Variants in GRB10 observed in about 807,000 individuals in gnomAD.
The protein encoded by GRB10 is growth factor receptor bound protein 10.
In GRB10, 20 loss-of-function variants were observed where a neutral mutation model predicts 80.9. That is an observed-to-expected ratio of 0.25 (90% CI 0.17 to 0.36). GRB10 has a LOEUF of 0.36. Ranked by LOEUF, GRB10 falls within the 10% of genes least tolerant of loss-of-function variation. GRB10 has a pLI of 1.00. For synonymous variants in GRB10, 291 were observed against 291.5 expected (o/e 1.00, Z 0.02); for missense variants, 548 against 747.7 (o/e 0.73, Z 3.12).
chr7:50,688,415 A>T (rs945230911), intron 5 of GRB10, among the ~76,000 whole-genome samples: 1 of 152,212 alleles, frequency 6.6e-6, no homozygotes, highest in African/African-American at 2.4e-5. Flanking sequence ...AGGGAGAAAG[A>T]GAAACATCCA....
chr7:50,732,459 G>A (rs1179302477), intron 3 of GRB10, 91 bp from the exon 4 acceptor site: 3 of 801,170 alleles, frequency 3.7e-6, no homozygotes, highest in African/African-American at 3.4e-5. Flanking sequence ...ATGTCTGAAT[G>A]GGCAGCTCTT....
intron 7 of GRB10, among the ~76,000 whole-genome samples, chr7:50,658,256 A>C (rs1396167800): frequency 1.3e-5 from 2 of 152,234 alleles, no homozygotes; most frequent in Non-Finnish European, 2.9e-5. Flanking sequence ...ATTCCTACTC[A>C]AAACCAAACA....
chr7:50,603,971 C>G, intron 17 of GRB10, 27 bp downstream of exon 17: 1 of 1,508,274 alleles, frequency 6.6e-7, no homozygotes, highest in Non-Finnish European at 9.2e-7. Flanking sequence ...TAGCAGATGA[C>G]AGCTCTTATC....
At chr7:50,679,527 G>A (rs2061330047) in intron 5 of GRB10, among the ~76,000 whole-genome samples, 1 of 152,132 alleles carries the variant, frequency 6.6e-6, no homozygotes, top group African/African-American at 2.4e-5. Flanking sequence ...GCAACATAAG[G>A]ACATGTTATT....
chr7:50,639,723 T>C (rs1391796330), intron 7 of GRB10, among the ~76,000 whole-genome samples: 1 of 151,594 alleles, frequency 6.6e-6, no homozygotes, highest in African/African-American at 2.4e-5. Context: ...CTAATAGGAC[T>C]TTCCACAGTG....
At chr7:50,693,819 G>C (rs1331065013) in intron 5 of GRB10, among the ~76,000 whole-genome samples, 2 of 152,134 alleles carry the variant, frequency 1.3e-5, no homozygotes, top group Non-Finnish European at 1.5e-5. Context: ...TGGAAGAGCA[G>C]TCTCCACTTT....
At chr7:50,650,115 C>G (rs980732619) in intron 7 of GRB10, among the ~76,000 whole-genome samples, 1 of 152,096 alleles carries the variant, frequency 6.6e-6, no homozygotes, top group African/African-American at 2.4e-5. Flanking sequence ...GAGCAGGAGA[C>G]AGCGAAGGGA....
chr7:50,760,620 C>T (rs557818037), intron 2 of GRB10, among the ~76,000 whole-genome samples: 1 of 152,246 alleles, frequency 6.6e-6, no homozygotes, highest in African/African-American at 2.4e-5. Context: ...TAGTAAAATG[C>T]ACCCTAAAGC....
intron 2 of GRB10, among the ~76,000 whole-genome samples, chr7:50,771,762 G>A (rs926528375): frequency 2.0e-5 from 3 of 152,154 alleles, no homozygotes; most frequent in South Asian, 2.1e-4. Context: ...TCAGGGCAAC[G>A]TCCTCCTCTC....
At chr7:50,607,955 C>G (rs2048826720) in intron 13 of GRB10, among the ~76,000 whole-genome samples, 1 of 152,140 alleles carries the variant, frequency 6.6e-6, no homozygotes, top group African/African-American at 2.4e-5. Context: ...AGTTCTGGCT[C>G]TAGGTCTCAT....
rs994960508 is a variant in GRB10, at chr7:50,770,435, G to A, written c.-217+10192C>T. On this transcript the variant is annotated intron_variant, in intron 2 of 18. Transcript: ENST00000401949. ...TATCTGAATTCAGTGAGGGGGTGTT[G>A]CAGCCCCTGGCCTCCAAGGTCTCTG... Among the ~76,000 whole-genome samples, 9 of 152,316 alleles carry A rather than the reference G, an allele frequency of 5.9e-5. No individual in the cohort carries two copies. The East Asian group carries it at 1.2e-3, about 20-fold the overall frequency.
chr7:50,603,399 G>A (rs775303969), intron 17 of GRB10, among the ~76,000 whole-genome samples: 2 of 152,208 alleles, frequency 1.3e-5, no homozygotes, highest in African/African-American at 2.4e-5. Flanking sequence ...TGCATGTGTA[G>A]TGGGGTTTAA....
At chr7:50,652,422 G>A (rs1270751707) in intron 7 of GRB10, among the ~76,000 whole-genome samples, 1 of 152,170 alleles carries the variant, frequency 6.6e-6, no homozygotes, top group East Asian at 1.9e-4. Context: ...GAAGCAACCT[G>A]TCCTTTATTA....
chr7:50,723,541 G>C (rs562027418), intron 4 of GRB10, among the ~76,000 whole-genome samples: 1 of 152,180 alleles, frequency 6.6e-6, no homozygotes, highest in Non-Finnish European at 1.5e-5. Flanking sequence ...CAGAGTCTGG[G>C]GGCAAAGGAA....
intron 4 of GRB10, chr7:50,727,695 A>G (rs1029893562): frequency 6.6e-6 from 1 of 151,678 alleles, no homozygotes; most frequent in Non-Finnish European, 1.5e-5. Context: ...AAAAGATTAT[A>G]ATCTCAAATT....
upstream of GRB10, among the ~76,000 whole-genome samples, chr7:50,785,152 C>G (rs1562719927): frequency 6.6e-6 from 1 of 152,240 alleles, no homozygotes; most frequent in Non-Finnish European, 1.5e-5. Context: ...TCCTGCAGAG[C>G]TGAGAAGAGA....
At chr7:50,767,813 C>T (rs1380835669) in intron 2 of GRB10, among the ~76,000 whole-genome samples, 1 of 152,204 alleles carries the variant, frequency 6.6e-6, no homozygotes, top group Non-Finnish European at 1.5e-5. Context: ...ACACCTCGTT[C>T]ACAGACATGA....
At chr7:50,735,389 G>T (rs2070625568) in intron 3 of GRB10, among the ~76,000 whole-genome samples, 1 of 152,168 alleles carries the variant, frequency 6.6e-6, no homozygotes, top group Admixed American at 6.5e-5. Context: ...CAAATTCAAT[G>T]CAGTCCCTAT....
chr7:50,787,655 G>C (rs1307200296), upstream of GRB10, among the ~76,000 whole-genome samples: 1 of 152,208 alleles, frequency 6.6e-6, no homozygotes, highest in Non-Finnish European at 1.5e-5. Context: ...ACCTGTGATG[G>C]AGAGATGAGG....
Sources: allele counts gnomAD v4.1 joint callset (sites outside exome capture counted in the v4.1 genomes callset), GRCh38; gene constraint gnomAD v4.1.1; transcripts MANE v1.5; gene names NCBI Gene and HGNC (gene_info 2026-07-23, HGNC 2026-07-21).